ZFP28: variants seen among roughly 807,000 people sequenced by gnomAD.
The protein encoded by ZFP28 is ZFP28 zinc finger protein.
A neutral mutation model predicts 39.5 loss-of-function variants in ZFP28; 31 were observed. The ratio of observed to expected loss-of-function variants is 0.79; its 90% CI spans 0.59 to 1.06. The LOEUF (loss-of-function observed/expected upper bound fraction) is 1.06. Among genes scored for constraint, ZFP28 ranks in the 50% least tolerant of loss-of-function variants. The probability of loss-of-function intolerance (pLI) is 0.00; values close to 1 mark genes in which losing one functional copy is unlikely to be tolerated. For missense variants in ZFP28, 925 were observed against 1,048.4 expected, an observed-to-expected ratio of 0.88 and a Z score of 1.63; for synonymous variants, 400 against 378.6, an observed-to-expected ratio of 1.06 and a Z score of -0.66.
rs377014457 is a variant in ZFP28 at position 56,555,516 on chromosome 19, T to G, written c.*124T>G. The stretch of plus-strand genomic sequence containing the variant: ...ATAAGTGTAAATGTAACTTATTCAC[T>G]CCTCTTGTAAAACTTATAGTTTCTT... On this transcript the variant is annotated 3_prime_UTR_variant, in exon 8 of 8. Transcript: ENST00000301318. The G allele has an allele frequency of 3.1e-6, 4 of 1,297,528 alleles. No homozygotes were observed. Among genetic ancestry groups the G allele is most frequent in the East Asian group, 4.7e-5 (2 of 42,990 alleles). The allele number at this position is 1,297,528 out of a possible 1,614,324, so 80.4% of individuals were successfully genotyped here. A position where few individuals can be genotyped will look rare whatever the true frequency, so the allele number is the denominator to read the frequency against.
At chr19:56,548,892 A>G (rs928223540) in intron 4 of ZFP28, 66 bp from the exon 5 acceptor site, 3 of 1,461,392 alleles carry the variant, frequency 2.1e-6, no homozygotes, top group Admixed American at 2.5e-5. Context: ...TAACGGTTGC[A>G]TTTTGGAATT....
chr19:56,543,661 T>G (rs113551243), intron 2 of ZFP28, among the ~76,000 whole-genome samples: 234 of 152,286 alleles, frequency 1.5e-3, no homozygotes, highest in African/African-American at 5.4e-3. Flanking sequence ...TGGTATAGTG[T>G]AAAAATGTGA....
At chr19:56,550,020 G>T in intron 5 of ZFP28, 47 bp from the exon 6 acceptor site, 2 of 1,512,266 alleles carry the variant, frequency 1.3e-6, no homozygotes, top group Non-Finnish European at 1.8e-6. Context: ...GACCAGGTGA[G>T]TTCACGAACA....
intron 2 of ZFP28, among the ~76,000 whole-genome samples, chr19:56,541,044 C>A (rs1323541763): frequency 6.6e-6 from 1 of 152,146 alleles, no homozygotes; most frequent in African/African-American, 2.4e-5. Flanking sequence ...CATGGTGGCT[C>A]CTCCCAGATT....
Position 56,555,624 on chromosome 19 carries a change from T to G in ZFP28, c.*232T>G, listed in dbSNP as rs2147967715. On this transcript the variant is annotated 3_prime_UTR_variant, in exon 8 of 8. Coordinates refer to ENST00000301318, the MANE Select transcript of ZFP28 (RefSeq NM_020828.2). ...CAGTAAACTTAGCTGTTTTAAAAAC[T>G]TTGTATTTGAACATTGAAAAGTTAC... 1 of 517,194 alleles carries G rather than the reference T, an allele frequency of 1.9e-6. No homozygotes were observed. The highest frequency in any genetic ancestry group is 2.0e-5 in the African/African-American group (1 of 50,858). The allele number at this position is 517,194 out of a possible 1,614,324, so 32.0% of individuals were successfully genotyped here.
chr19:56,552,346 A>G (rs2044311611), intron 7 of ZFP28: 2 of 152,170 alleles, frequency 1.3e-5, no homozygotes, highest in African/African-American at 2.4e-5. Context: ...TCTAGACATC[A>G]TCACCAATAT....
chr19:56,555,580 C>T lies in ZFP28; in HGVS notation c.*188C>T, dbSNP rs553611264. 16 of 773,290 alleles carry T rather than the reference C, an allele frequency of 2.1e-5. No individual in the cohort carries two copies. The East Asian group carries it at 3.6e-4, about 18-fold the overall frequency. 47.9% of individuals were successfully genotyped at this position (773,290 alleles called of 1,614,324 possible). ...GTGTGAGATGTGCTCAGCACAGTGC[C>T]TGGTCCATAGTAAGTGCTCAGTAAA... is the stretch of plus-strand genomic sequence containing the variant. On this transcript the variant is annotated 3_prime_UTR_variant, in exon 8 of 8. Coordinates refer to ENST00000301318, the MANE Select transcript of ZFP28 (RefSeq NM_020828.2).
rs748872461 is a variant in ZFP28 at position 56,551,757 on chromosome 19, C to T, written c.898+1152C>T. 1.7e-5 allele frequency: 17 copies of T among 984,066 alleles called. No homozygotes were observed. In the Admixed American group the frequency reaches 8.6e-4, roughly 50 times the overall value. 61.0% of individuals were successfully genotyped at this position (984,066 alleles called of 1,614,324 possible). On this transcript the variant is annotated intron_variant, in intron 7 of 7. Coordinates refer to ENST00000301318, the MANE Select transcript of ZFP28 (RefSeq NM_020828.2). Reference sequence around the variant, plus strand: ...TTCTTTTTTTATGAAAGAAGTTGAACATTTTTTCGTAAATTTGGTTTTTCT... The same window carrying T: ...TTCTTTTTTTATGAAAGAAGTTGAATATTTTTTCGTAAATTTGGTTTTTCT...
intron 5 of ZFP28, 82 bp downstream of exon 5, chr19:56,549,203 A>T (rs1378017874): frequency 6.7e-7 from 1 of 1,486,312 alleles, no homozygotes; most frequent in African/African-American, 1.4e-5. Context: ...CATGACTACA[A>T]CAACTATAAG....
At chr19:56,550,015 G>C in intron 5 of ZFP28, 52 bp from the exon 6 acceptor site, 1 of 1,471,838 alleles carries the variant, frequency 6.8e-7, no homozygotes, top group African/African-American at 1.4e-5. Flanking sequence ...ACTGAGACCA[G>C]GTGAGTTCAC....
rs773798786 is a variant in ZFP28, at chr19:56,539,618, C to A, written c.209-7C>A. On this transcript the variant is annotated splice_polypyrimidine_tract_variant and splice_region_variant and intron_variant, in intron 1 of 7. Coordinates refer to ENST00000301318, the MANE Select transcript of ZFP28 (RefSeq NM_020828.2). ...ACCTGGTCTCTAGCTACTCCTTTCT[C>A]TTTCAGCTCTGCCTTCCAGGGACAC... The A allele has an allele frequency of 1.2e-5, 20 of 1,613,526 alleles. No homozygotes were observed. The highest frequency in any genetic ancestry group is 6.7e-5 in the Admixed American group (4 of 59,980).
At position 56,550,592 on chromosome 19, in the gene ZFP28, A is replaced by C. The variant is rs1463847268; in HGVS notation, c.885A>C (p.Gly295=). The C allele has an allele frequency of 1.9e-6, 3 of 1,614,074 alleles. No homozygotes were observed. The highest frequency in any genetic ancestry group is 1.7e-6 in the Non-Finnish European group (2 of 1,180,022). The part of the protein sequence containing the change: ...EPWMVKRELT[G]SLFSGQRSVH... ...GGATGGTGAAGCGAGAGCTGACAGG[A>C]AGCCTGTTCTCAGGTGAGTGCAGGA... Residue 295 remains glycine, a synonymous_variant, in exon 7 of 8, where the codon GGA becomes GGC. Coordinates refer to ENST00000301318, the MANE Select transcript of ZFP28 (RefSeq NM_020828.2).
In ZFP28 at chr19:56,555,485, C is replaced by A; in HGVS notation, c.*93C>A. ...TCTTTTTGTCCCTTATTAGTTAGTT[C>A]TTCACATAAGTGTAAATGTAACTTA... On this transcript the variant is annotated 3_prime_UTR_variant, in exon 8 of 8. Coordinates refer to ENST00000301318, the MANE Select transcript of ZFP28 (RefSeq NM_020828.2). The A allele has an allele frequency of 8.0e-7, 1 of 1,246,214 alleles. No individual in the cohort carries two copies. The highest frequency in any genetic ancestry group is 1.1e-6 in the Non-Finnish European group (1 of 910,554). The allele number at this position is 1,246,214 out of a possible 1,614,324, so 77.2% of individuals were successfully genotyped here.
At chr19:56,552,470 T>C (rs2044312589) in intron 7 of ZFP28, 1 of 152,158 alleles carries the variant, frequency 6.6e-6, no homozygotes, top group South Asian at 2.1e-4. Flanking sequence ...CTTAAATCTG[T>C]TTAGAGTTTG....
Position 56,547,643 on chromosome 19 carries a change from T to G in ZFP28, c.427+9T>G. 1 of 1,601,976 alleles carries G rather than the reference T, an allele frequency of 6.2e-7. No individual in the cohort carries two copies. Among genetic ancestry groups the G allele is most frequent in the Non-Finnish European group, 8.5e-7 (1 of 1,173,712 alleles). ...GAACCTGGCATCGCTGGGTAAGGGC[T>G]CCCACCCCTTTTCCCACCCCTCACC... On this transcript the variant is annotated intron_variant, in intron 3 of 7. Transcript: ENST00000301318. The surrounding 1 kb of genome is among the most constrained non-coding windows in gnomAD (Gnocchi z 4.6).
chr19:56,539,780 T>G, intron 2 of ZFP28, 64 bp downstream of exon 2: 4 of 1,479,284 alleles, frequency 2.7e-6, no homozygotes, highest in Non-Finnish European at 3.7e-6. Context: ...TTAATGTTGC[T>G]TATTTTCTTG....
chr19:56,547,423 G>A lies in ZFP28; in HGVS notation c.301-85G>A. The A allele has an allele frequency of 1.3e-6, 2 of 1,595,828 alleles. No individual in the cohort carries two copies. Among genetic ancestry groups the A allele is most frequent in the Non-Finnish European group, 1.7e-6 (2 of 1,168,236 alleles). On this transcript the variant is annotated intron_variant, in intron 2 of 7. Transcript: ENST00000301318. The surrounding 1 kb of genome is among the most constrained non-coding windows in gnomAD (Gnocchi z 4.6). The stretch of plus-strand genomic sequence containing the variant: ...GAGTTTAATGTAGGAGTTTTGTCAG[G>A]GGACACATTTCTTTCTATAACAAAC...
At chr19:56,540,152 T>C (rs913776586) in intron 2 of ZFP28, among the ~76,000 whole-genome samples, 1 of 152,194 alleles carries the variant, frequency 6.6e-6, no homozygotes, top group African/African-American at 2.4e-5. Context: ...ACAAGCAAGA[T>C]TCTAGAATGT....
chr19:56,547,921 G>A lies in ZFP28; in HGVS notation c.523+19G>A, dbSNP rs1250975984. 1 of 1,613,582 alleles carries A rather than the reference G, an allele frequency of 6.2e-7. No homozygotes were observed. ...TGCCCAGGTGAGTGTGGGAGAACCA[G>A]GTAGGGTGAGGCCACTGCTGGTCAT... On this transcript the variant is annotated intron_variant, in intron 4 of 7. Coordinates refer to ENST00000301318, the MANE Select transcript of ZFP28 (RefSeq NM_020828.2). This position sits in a 1 kb window ranked among gnomAD's most constrained non-coding sequence, Gnocchi z 4.6.
Sources: allele counts gnomAD v4.1 joint callset (sites outside exome capture counted in the v4.1 genomes callset), GRCh38; gene constraint gnomAD v4.1.1; non-coding constraint Gnocchi (gnomAD v3.1); transcripts MANE v1.5; gene names NCBI Gene and HGNC (gene_info 2026-07-23, HGNC 2026-07-21).